Variants in PLCB1 observed in about 807,000 individuals in gnomAD.
PLCB1 encodes phospholipase C beta 1, also known as 1-phosphatidylinositol 4,5-bisphosphate phosphodiesterase beta-1.
A neutral mutation model predicts 161.8 loss-of-function variants in PLCB1; 46 were observed. The ratio of observed to expected loss-of-function variants is 0.28; its 90% CI spans 0.22 to 0.36. The LOEUF (loss-of-function observed/expected upper bound fraction) is 0.36, where lower values mean the gene tolerates loss of function less well. PLCB1 is among the 10% of genes least tolerant of loss of function. The pLI is 1.00. For missense variants in PLCB1, 1,016 were observed against 1,472.5 expected, an observed-to-expected ratio of 0.69 and a Z score of 5.07; for synonymous variants, 517 against 503.7, an observed-to-expected ratio of 1.03 and a Z score of -0.35.
intron 2 of PLCB1, among the ~76,000 whole-genome samples, chr20:8,252,806 A>G (rs145338062): frequency 6.1e-4 from 93 of 152,072 alleles, no homozygotes; most frequent in African/African-American, 2.2e-3. Flanking sequence ...GCATTAAGCT[A>G]TGCCATGACT....
intron 27 of PLCB1, among the ~76,000 whole-genome samples, chr20:8,785,361 G>A (rs718712): frequency 0.32 from 48,930 of 151,986 alleles, 7,927 homozygotes; most frequent in Middle Eastern, 0.49. Flanking sequence ...GTGCTCCCTG[G>A]TGATGCTCTT....
intron 2 of PLCB1, among the ~76,000 whole-genome samples, chr20:8,357,451 A>C (rs1986395929): frequency 6.6e-6 from 1 of 152,322 alleles, no homozygotes; most frequent in African/African-American, 2.4e-5. Flanking sequence ...TCATATGACT[A>C]TCTTGCCCTT....
intron 23 of PLCB1, among the ~76,000 whole-genome samples, chr20:8,742,891 T>C (rs560583479): frequency 1.3e-5 from 2 of 152,360 alleles, no homozygotes; most frequent in African/African-American, 4.8e-5. Context: ...TACTGATTTT[T>C]GTACACTGAT....
chr20:8,778,869 G>A (rs76108842), intron 27 of PLCB1, among the ~76,000 whole-genome samples: 27 of 152,264 alleles, frequency 1.8e-4, no homozygotes, highest in African/African-American at 4.6e-4. Flanking sequence ...TAGCTGCGAC[G>A]TGTGTGCCAA....
chr20:8,179,670 C>T (rs2051818089), intron 2 of PLCB1, among the ~76,000 whole-genome samples: 1 of 152,032 alleles, frequency 6.6e-6, no homozygotes, highest in African/African-American at 2.4e-5. Context: ...CTAGGACTTC[C>T]AGTACTGTGT....
rs186705170 is a variant in PLCB1, at chr20:8,589,235, C to T, written c.247-39059C>T. Among the ~76,000 whole-genome samples the T allele has an allele frequency of 2.5e-3, 373 of 152,216 alleles. 2 individuals are homozygous for T. The highest frequency in any genetic ancestry group is 8.7e-3 in the African/African-American group (362 of 41,516). The stretch of plus-strand genomic sequence containing the variant: ...CCTTCATTCAACCAATAATTGAACA[C>T]TGGGCACAGTTCTAGGTGACTGAGT... On this transcript the variant is annotated intron_variant, in intron 3 of 31. Coordinates refer to ENST00000338037, the MANE Select transcript of PLCB1 (RefSeq NM_015192.4).
At chr20:8,343,056 C>T (rs1276833565) in intron 2 of PLCB1, among the ~76,000 whole-genome samples, 1 of 152,200 alleles carries the variant, frequency 6.6e-6, no homozygotes, top group Non-Finnish European at 1.5e-5. Flanking sequence ...CCAGTCTGCA[C>T]CTCCTTCTCA....
intron 3 of PLCB1, among the ~76,000 whole-genome samples, chr20:8,489,652 G>A (rs2122772010): frequency 6.6e-6 from 1 of 152,248 alleles, no homozygotes; most frequent in South Asian, 2.1e-4. Context: ...AATCAGGAGG[G>A]CCCACGCAGT....
Position 8,881,940 on chromosome 20 carries a change from C to T in PLCB1, c.*91C>T, listed in dbSNP as rs1988012739. 2.4e-6 allele frequency: 2 copies of T among 829,476 alleles called. No individual in the cohort carries two copies. Among genetic ancestry groups the T allele is most frequent in the Non-Finnish European group, 3.9e-6 (2 of 516,486 alleles). The allele number at this position is 829,476 out of a possible 1,614,324, so 51.4% of individuals were successfully genotyped here. On this transcript the variant is annotated 3_prime_UTR_variant, in exon 32 of 32. Transcript: ENST00000338037. ...AAAGATCACTGCCCAGGACCATCTT[C>T]CCGAGAAGCATCCCTTAGCCTAAAA...
intron 3 of PLCB1, among the ~76,000 whole-genome samples, chr20:8,624,623 G>A (rs2123207104): frequency 6.6e-6 from 1 of 152,178 alleles, no homozygotes. Flanking sequence ...TTGAGTCCTT[G>A]CTTCTTAGGT....
At chr20:8,295,619 G>T (rs1983592600) in intron 2 of PLCB1, among the ~76,000 whole-genome samples, 1 of 152,000 alleles carries the variant, frequency 6.6e-6, no homozygotes, top group Non-Finnish European at 1.5e-5. Context: ...TTGATCTATA[G>T]CCAAAATAAT....
intron 1 of PLCB1, among the ~76,000 whole-genome samples, chr20:8,136,574 CGA>C (rs1555785441): frequency 6.7e-6 from 1 of 150,186 alleles, no homozygotes; most frequent in Non-Finnish European, 1.5e-5. Context: ...TGCAGTGAGC[CGA>C]GATCGCGCCA....
At chr20:8,279,403 T>A (rs190113862) in intron 2 of PLCB1, among the ~76,000 whole-genome samples, 26 of 152,260 alleles carry the variant, frequency 1.7e-4, no homozygotes, top group Non-Finnish European at 2.6e-4. Context: ...AGGATTAAAA[T>A]AGGCATATTC....
At chr20:8,388,045 CAG>C (rs1362204407) in intron 3 of PLCB1, among the ~76,000 whole-genome samples, 1 of 146,242 alleles carries the variant, frequency 6.8e-6, no homozygotes, top group Non-Finnish European at 1.5e-5. Flanking sequence ...AGAACCAGAA[CAG>C]TGTATTTCCT....
At chr20:8,452,471 A>G (rs1209216831) in intron 3 of PLCB1, among the ~76,000 whole-genome samples, 1 of 152,166 alleles carries the variant, frequency 6.6e-6, no homozygotes, top group African/African-American at 2.4e-5. Flanking sequence ...TTGTAGTTCA[A>G]TTTTCAAACA....
At chr20:8,765,081 T>C in intron 25 of PLCB1, 58 bp from the exon 26 acceptor site, 1 of 1,372,100 alleles carries the variant, frequency 7.3e-7, no homozygotes, top group Non-Finnish European at 1.0e-6. Flanking sequence ...GCCGCTCTTC[T>C]TTCCATCTGG....
intron 3 of PLCB1, among the ~76,000 whole-genome samples, chr20:8,533,298 A>G (rs1267985031): frequency 6.6e-6 from 1 of 150,848 alleles, no homozygotes; most frequent in African/African-American, 2.5e-5. Flanking sequence ...AGTCTTTGCT[A>G]TTGTGAATAA....
intron 31 of PLCB1, among the ~76,000 whole-genome samples, chr20:8,848,201 A>T (rs1189038143): frequency 6.6e-6 from 1 of 152,240 alleles, no homozygotes; most frequent in Non-Finnish European, 1.5e-5. Flanking sequence ...TTCAAATCAT[A>T]GCACAGGACA....
chr20:8,186,997 C>G (rs2051913030), intron 2 of PLCB1, among the ~76,000 whole-genome samples: 1 of 152,116 alleles, frequency 6.6e-6, no homozygotes, highest in African/African-American at 2.4e-5. Context: ...GCTTTCAGAA[C>G]TAAGCAGGCT....
Sources: gnomAD v4.1 joint callset for allele counts (sites outside exome capture counted in the v4.1 genomes callset) on GRCh38, gnomAD v4.1.1 for gene constraint, MANE v1.5 for transcripts, NCBI Gene and HGNC (gene_info 2026-07-23, HGNC 2026-07-21) for gene names.